EYA2: variants seen among roughly 807,000 people sequenced by gnomAD.
EYA2 encodes protein phosphatase EYA2.
Under a neutral mutation model 69.2 loss-of-function variants are expected in EYA2, and 31 were observed. The observed-to-expected ratio is 0.45, with a 90% confidence interval of 0.34 to 0.60. The LOEUF is 0.60. Among genes scored for constraint, EYA2 ranks in the 20% least tolerant of loss-of-function variants. The pLI is 0.02. For synonymous variants in EYA2, 257 were observed against 279.4 expected (o/e 0.92, Z 0.80); for missense variants, 622 against 701.2 (o/e 0.89, Z 1.28).
At chr20:47,054,827 G>A (rs187244169) in intron 5 of EYA2, among the ~76,000 whole-genome samples, 1 of 152,110 alleles carries the variant, frequency 6.6e-6, no homozygotes, top group African/African-American at 2.4e-5. Context: ...TTGGACTCTC[G>A]CACACAAGTA....
intron 1 of EYA2, among the ~76,000 whole-genome samples, chr20:46,930,098 A>G (rs6066123): frequency 6.6e-6 from 1 of 152,002 alleles, no homozygotes; most frequent in African/African-American, 2.4e-5. Flanking sequence ...CCATGTCAGC[A>G]TACCAGTTAG....
intron 5 of EYA2, among the ~76,000 whole-genome samples, chr20:47,026,910 T>C (rs974709511): frequency 1.3e-5 from 2 of 152,246 alleles, no homozygotes. Context: ...TCTTTTTCAA[T>C]ATGGACAATT....
At chr20:46,937,273 A>C (rs1985952215) in intron 1 of EYA2, among the ~76,000 whole-genome samples, 1 of 152,150 alleles carries the variant, frequency 6.6e-6, no homozygotes, top group South Asian at 2.1e-4. Context: ...ATTTACAAGG[A>C]TTTGTTCTGA....
intron 1 of EYA2, among the ~76,000 whole-genome samples, chr20:46,912,353 G>T (rs541118623): frequency 3.9e-4 from 60 of 152,124 alleles, no homozygotes; most frequent in African/African-American, 1.4e-3. Context: ...TTTCTTTTTG[G>T]CCTTCCCCTA....
At chr20:47,001,281 C>T (rs543099280) in intron 2 of EYA2, 147 bp from the exon 3 acceptor site, 80 of 708,604 alleles carry the variant, frequency 1.1e-4, no homozygotes, top group Admixed American at 4.1e-4. Flanking sequence ...TGAGATGTGG[C>T]GCCTCAGATA....
At chr20:47,130,023 C>G (rs1479440841) in intron 9 of EYA2, among the ~76,000 whole-genome samples, 1 of 148,510 alleles carries the variant, frequency 6.7e-6, no homozygotes, top group Non-Finnish European at 1.5e-5. Context: ...CCCCCTCCAA[C>G]CCCCACCACG....
intron 9 of EYA2, among the ~76,000 whole-genome samples, chr20:47,108,387 A>G (rs2146536317): frequency 6.6e-6 from 1 of 152,174 alleles, no homozygotes; most frequent in South Asian, 2.1e-4. Flanking sequence ...GCTTTCCACC[A>G]TGAGTGGAAG....
At chr20:47,056,067 G>A (rs2030596066) in intron 5 of EYA2, among the ~76,000 whole-genome samples, 1 of 152,194 alleles carries the variant, frequency 6.6e-6, no homozygotes, top group Non-Finnish European at 1.5e-5. Context: ...CATGCGGATT[G>A]TTTTATTACC....
At chr20:46,987,964 CTATATATATATATATATA>C (rs71183225) in intron 1 of EYA2, among the ~76,000 whole-genome samples, 2 of 11,280 alleles carry the variant, frequency 1.8e-4, no homozygotes, top group African/African-American at 2.8e-4. Context: ...CTCTCTCTCT[CTATATATATATATATATA>C]TATATATATA....
At position 46,955,601 on chromosome 20, in the gene EYA2, T is replaced by C. The variant is rs1459029041; in HGVS notation, c.-10-34400T>C. Among the ~76,000 whole-genome samples, 4 of 152,262 alleles carry C rather than the reference T, an allele frequency of 2.6e-5. No homozygotes were observed. In the East Asian group the frequency reaches 5.8e-4, roughly 22 times the overall value. ...TAACCCCTGTTAATTGTTGGGTATA[T>C]ACCCTTGCAGACATGTTTTAATAAA... On this transcript the variant is annotated intron_variant, in intron 1 of 15. Transcript: ENST00000327619.
intron 6 of EYA2, among the ~76,000 whole-genome samples, chr20:47,073,429 C>T (rs778242845): frequency 1.1e-4 from 17 of 151,964 alleles, no homozygotes; most frequent in Non-Finnish European, 2.1e-4. Context: ...AAAATGTCAC[C>T]TAGTCTCCTG....
intron 1 of EYA2, among the ~76,000 whole-genome samples, chr20:46,920,357 A>G (rs1248417057): frequency 6.6e-6 from 1 of 152,172 alleles, no homozygotes; most frequent in Non-Finnish European, 1.5e-5. Flanking sequence ...GTGCCCGTAT[A>G]CTGTTCCAAT....
intron 5 of EYA2, among the ~76,000 whole-genome samples, chr20:47,025,640 A>G (rs1317898786): frequency 6.6e-6 from 1 of 152,132 alleles, no homozygotes; most frequent in Non-Finnish European, 1.5e-5. Context: ...AAACCCCTAT[A>G]TGTATATTAT....
At chr20:46,904,389 CAG>C (rs1381542245) in intron 1 of EYA2, among the ~76,000 whole-genome samples, 2 of 149,296 alleles carry the variant, frequency 1.3e-5, no homozygotes, top group Admixed American at 6.7e-5. Flanking sequence ...AACTGCCAAA[CAG>C]ATTTAAAATA....
intron 1 of EYA2, among the ~76,000 whole-genome samples, chr20:46,914,680 T>C (rs1227744663): frequency 6.6e-6 from 1 of 152,204 alleles, no homozygotes; most frequent in East Asian, 1.9e-4. Flanking sequence ...TATCTCCACC[T>C]AGTCCCTCCC....
chr20:47,172,929 T>A, intron 12 of EYA2, 62 bp downstream of exon 12: 1 of 1,521,548 alleles, frequency 6.6e-7, no homozygotes, highest in Non-Finnish European at 8.9e-7. Flanking sequence ...ATGCTGTCAG[T>A]GTCCCTGCTG....
Position 47,097,159 on chromosome 20 carries a change from A to G in EYA2, c.879A>G (p.Arg293=), listed in dbSNP as rs1436275121. 2.5e-6 allele frequency: 4 copies of G among 1,609,390 alleles called. No individual in the cohort carries two copies. Among genetic ancestry groups the G allele is most frequent in the South Asian group, 1.1e-5 (1 of 90,116 alleles). ...HSLLTGTFAS[R]YGKDTTTSVR... is the part of the protein sequence containing the mutation. ...TACTCACGGGGACATTTGCATCCAGATACGGGAAGGTAAGAATCCATTTTG... is the reference window on the plus strand; with the variant it reads ...TACTCACGGGGACATTTGCATCCAGGTACGGGAAGGTAAGAATCCATTTTG... The change falls in exon 9 of 16, where the codon AGA becomes AGG. Residue 293 remains arginine (R), a synonymous_variant. Coordinates refer to ENST00000327619, the MANE Select transcript of EYA2 (RefSeq NM_005244.5).
chr20:46,995,935 AG>A (rs758525908), intron 2 of EYA2, among the ~76,000 whole-genome samples: 13 of 152,340 alleles, frequency 8.5e-5, no homozygotes, highest in Non-Finnish European at 1.3e-4. Flanking sequence ...TTTGCAGATG[AG>A]AAAACTGAGA....
chr20:47,074,416 A>T (rs544986818), intron 7 of EYA2, 81 bp downstream of exon 7: 8 of 1,424,120 alleles, frequency 5.6e-6, no homozygotes, highest in African/African-American at 1.4e-5. Context: ...ATGGGTCCCA[A>T]TTGTAACAAA....
Sources: gnomAD v4.1 joint callset for allele counts (sites outside exome capture counted in the v4.1 genomes callset) on GRCh38, gnomAD v4.1.1 for gene constraint, MANE v1.5 for transcripts, NCBI Gene and HGNC (gene_info 2026-07-23, HGNC 2026-07-21) for gene names.